GAS2L2: variants seen among roughly 807,000 people sequenced by gnomAD.
GAS2L2 encodes growth arrest specific 2 like 2.
In GAS2L2, 21 loss-of-function variants were observed where a neutral mutation model predicts 35.2. The observed-to-expected ratio is 0.60, with a 90% CI of 0.42 to 0.86. The LOEUF (loss-of-function observed/expected upper bound fraction) is 0.86, where lower values mean the gene tolerates loss of function less well. Among genes scored for constraint, GAS2L2 ranks in the 40% least tolerant of loss-of-function variants. The probability of loss-of-function intolerance (pLI) is 0.00; values close to 1 mark genes in which losing one functional copy is unlikely to be tolerated. For missense variants in GAS2L2, 1,169 were observed against 1,144.4 expected (o/e 1.02, Z -0.31); for synonymous variants, 490 against 473.2 (o/e 1.04, Z -0.46).
chr17:35,748,745 T>G (rs892002724), intron 3 of GAS2L2, among the ~76,000 whole-genome samples: 1 of 152,040 alleles, frequency 6.6e-6, no homozygotes, highest in Admixed American at 6.6e-5. Context: ...AATGGAAAAG[T>G]GTGATCACCC....
chr17:35,747,072 G>C lies in GAS2L2; in HGVS notation c.1029C>G (p.Pro343=), dbSNP rs587673600. Residue 343 remains proline, a synonymous_variant, in exon 5 of 6, where the codon CCC becomes CCG. Coordinates refer to ENST00000604641, the MANE Select transcript of GAS2L2 (RefSeq NM_139285.4). ...CCGTCCCTGCTCCCCGTTCCCTGCG[G>C]GGTCTGGGGGAGGATGGGGTGGGGG... ...LRPPTPSSPR[P]RRERGAGTGA... is the part of the protein sequence containing the mutation. 61 of 1,610,442 alleles carry C rather than the reference G, an allele frequency of 3.8e-5. No homozygotes were observed. The South Asian group carries it at 6.6e-4, about 17-fold the overall frequency.
At position 35,745,150 on chromosome 17, in the gene GAS2L2, G is replaced by A. The variant is rs782543839; in HGVS notation, c.2347C>T (p.Arg783Trp). ...KLKLRPRIRPRRDHRPEKQPS... is the reference protein window; with the variant it reads ...KLKLRPRIRPWRDHRPEKQPS... ...TGCTTCTCAGGCCTGTGGTCTCTCC[G>A]GGGCCGAATCCTGGGTCTCAGCTTC... Residue 783 changes from arginine (R) to tryptophan (W), a missense_variant, in exon 6 of 6, where the codon CGG (arginine) becomes TGG (tryptophan). Around this residue, in one of 3 missense-constraint regions of GAS2L2, gnomAD observed 1,035 missense variants for 976.5 expected, o/e 1.06. Coordinates refer to ENST00000604641, the MANE Select transcript of GAS2L2 (RefSeq NM_139285.4). The A allele has an allele frequency of 1.7e-5, 28 of 1,612,878 alleles. No individual in the cohort carries two copies. Among genetic ancestry groups the A allele is most frequent in the Admixed American group, 1.0e-4 (6 of 59,966 alleles).
chr17:35,750,114 C>CT lies in GAS2L2; in HGVS notation c.589dup (p.Arg197LysfsTer34). 6.3e-7 allele frequency: 1 copy of CT among 1,599,550 alleles called. No homozygotes were observed. The highest frequency in any genetic ancestry group is 1.1e-5 in the South Asian group (1 of 90,156). On this transcript the variant is annotated frameshift_variant, in exon 2 of 6. Transcript: ENST00000604641. LOFTEE classifies it high-confidence loss of function. ...GTTGCGGAAGTGGCAGGGCTGGCGCCTGGGGGGCGCTGGCGGCGAGGGGTC... is the reference window on the plus strand; with the variant it reads ...GTTGCGGAAGTGGCAGGGCTGGCGCCTTGGGGGGCGCTGGCGGCGAGGGGTC...
At position 35,746,232 on chromosome 17, in the gene GAS2L2, T is replaced by C. The variant is rs781893994; in HGVS notation, c.1265A>G (p.His422Arg). 6.8e-7 allele frequency: 1 copy of C among 1,477,068 alleles called. No homozygotes were observed. Among genetic ancestry groups the C allele is most frequent in the Non-Finnish European group, 9.0e-7 (1 of 1,112,878 alleles). 91.5% of individuals were successfully genotyped at this position (1,477,068 alleles called of 1,614,324 possible). The change falls in exon 6 of 6, where the codon CAT becomes CGT. Residue 422 changes from histidine (H) to arginine (R), a missense_variant. His to Arg is a conservative substitution (Grantham distance 29). This residue lies in a region of GAS2L2 where 1,035 missense variants were observed against 976.5 expected (regional missense o/e 1.06). Transcript: ENST00000604641. Reference sequence around the variant, plus strand: ...GGTTCCCCAGCTGTCTGTTTCTTCATGAACCCAAGATGTGGGAATCCTTCC... The same window carrying C: ...GGTTCCCCAGCTGTCTGTTTCTTCACGAACCCAAGATGTGGGAATCCTTCC... ...PRGRIPTSWVHEETDSWGTDA... is the reference protein window; with the variant it reads ...PRGRIPTSWVREETDSWGTDA...
At position 35,752,668 on chromosome 17, in the gene GAS2L2, C is replaced by A. The variant is rs1319930070; in HGVS notation, c.183G>T (p.Thr61=). 1 of 1,613,986 alleles carries A rather than the reference C, an allele frequency of 6.2e-7. No homozygotes were observed. Among genetic ancestry groups the A allele is most frequent in the Non-Finnish European group, 8.5e-7 (1 of 1,180,018 alleles). The change falls in exon 1 of 6, where the codon ACG becomes ACT. Residue 61 remains threonine, a synonymous_variant. Transcript: ENST00000604641. ...TGGCGTGTTGGCACAGCACCAGGCC[C>A]GTTTCCAGCACCTGCAGGAAGTTGG... ...DAANFLQVLE[T]GLVLCQHANV... is the part of the protein sequence containing the mutation.
In GAS2L2 at chr17:35,745,504, G is replaced by C. The variant is rs1344989194; in HGVS notation, c.1993C>G (p.Leu665Val). The C allele has an allele frequency of 6.2e-7, 1 of 1,607,884 alleles. No homozygotes were observed. The highest frequency in any genetic ancestry group is 8.5e-7 in the Non-Finnish European group (1 of 1,175,934). Reference protein sequence around the residue: ...IQELAQGSPSLLKVDLEAWKA... With the variant: ...IQELAQGSPSVLKVDLEAWKA... ...CAGGCTTCCAGGTCCACTTTAAGGA[G>C]GGATGGGGACCCCTGAGCCAGTTCT... The change falls in exon 6 of 6, where the codon CTC becomes GTC. Residue 665 changes from leucine to valine, a missense_variant. By Grantham distance (32) the Leu-to-Val change is conservative. Around this residue, in one of 3 missense-constraint regions of GAS2L2, gnomAD observed 1,035 missense variants for 976.5 expected, o/e 1.06. Transcript: ENST00000604641.
chr17:35,749,749 A>G (rs1555599494), intron 2 of GAS2L2, among the ~76,000 whole-genome samples: 1 of 152,236 alleles, frequency 6.6e-6, no homozygotes, highest in East Asian at 1.9e-4. Context: ...GCTGCAAAGC[A>G]GTGGAACTAA....
In GAS2L2 at chr17:35,746,073, C is replaced by G; in HGVS notation, c.1424G>C (p.Arg475Pro). 6.6e-7 allele frequency: 1 copy of G among 1,520,750 alleles called. No homozygotes were observed. Among genetic ancestry groups the G allele is most frequent in the Non-Finnish European group, 8.8e-7 (1 of 1,134,640 alleles). The allele number at this position is 1,520,750 out of a possible 1,614,324, so 94.2% of individuals were successfully genotyped here. The change falls in exon 6 of 6, where the codon CGG becomes CCG. Residue 475 changes from arginine to proline, a missense_variant. Physicochemically the swap from Arg to Pro is moderately radical, Grantham distance 103. Coordinates refer to ENST00000604641, the MANE Select transcript of GAS2L2 (RefSeq NM_139285.4). ...GAAGAACGCACCCTTGGCCTCATCC[C>G]GGAGTGGCAGCCTGAGGCCCAGGCA... ...AECLGLRLPL[R>P]DEAKGAFFQF...
In GAS2L2 at chr17:35,752,605, C is replaced by T. The variant is rs376656473; in HGVS notation, c.246G>A (p.Glu82=). The part of the protein sequence containing the change: ...VTDAALAFLA[E]APAQAQKIPM... ...GAATCTTCTGGGCTTGGGCAGGTGC[C>T]TCAGCCAGGAAGGCCAGGGCAGCGT... Residue 82 remains glutamate, a synonymous_variant, in exon 1 of 6, where the codon GAG becomes GAA. Coordinates refer to ENST00000604641, the MANE Select transcript of GAS2L2 (RefSeq NM_139285.4). 1.2e-6 allele frequency: 2 copies of T among 1,613,734 alleles called. No individual in the cohort carries two copies. Among genetic ancestry groups the T allele is most frequent in the Non-Finnish European group, 1.7e-6 (2 of 1,179,636 alleles).
chr17:35,746,098 A>T lies in GAS2L2; in HGVS notation c.1399T>A (p.Cys467Ser). 7 of 1,515,496 alleles carry T rather than the reference A, an allele frequency of 4.6e-6. No homozygotes were observed. The highest frequency in any genetic ancestry group is 6.2e-6 in the Non-Finnish European group (7 of 1,132,350). 93.9% of individuals were successfully genotyped at this position (1,515,496 alleles called of 1,614,324 possible). ...PLPRSFGPAE[C>S]LGLRLPLRDE... ...CGGAGTGGCAGCCTGAGGCCCAGGC[A>T]CTCGGCTGGGCCAAAGGAACGAGGC... The change falls in exon 6 of 6, where the codon TGC becomes AGC. Residue 467 changes from cysteine (C) to serine (S), a missense_variant. Transcript: ENST00000604641.
chr17:35,748,137 T>C (rs1219281345), intron 3 of GAS2L2, among the ~76,000 whole-genome samples, 192 bp from the exon 4 acceptor site: 1 of 152,122 alleles, frequency 6.6e-6, no homozygotes, highest in Non-Finnish European at 1.5e-5. Flanking sequence ...ACACATGCGG[T>C]CAAGGTGGGA....
At position 35,745,012 on chromosome 17, in the gene GAS2L2, G is replaced by A. The variant is rs56386706; in HGVS notation, c.2485C>T (p.Arg829Trp). 0.051 allele frequency: 82,059 copies of A among 1,613,962 alleles called. 2,446 individuals carry two copies. Among genetic ancestry groups the A allele is most frequent in the Non-Finnish European group, 0.059 (69,403 of 1,179,996 alleles). Residue 829 changes from arginine (R) to tryptophan (W), a missense_variant, in exon 6 of 6, where the codon CGG (arginine) becomes TGG (tryptophan). Coordinates refer to ENST00000604641, the MANE Select transcript of GAS2L2 (RefSeq NM_139285.4). ...VLGSKGGEAS[R>W]VDGASVGEEE... ...TCACCTACTGAAGCTCCATCCACCC[G>A]GGATGCCTCCCCTCCCTTGCTGCCC...
In GAS2L2 at chr17:35,752,546, G is replaced by A; in HGVS notation, c.305C>T (p.Ala102Val). 6.2e-7 allele frequency: 1 copy of A among 1,613,370 alleles called. No individual in the cohort carries two copies. The highest frequency in any genetic ancestry group is 1.3e-5 in the African/African-American group (1 of 75,056). The stretch of plus-strand genomic sequence containing the variant: ...GGCCTGGAAGGTACCTGGCTGGGCG[G>A]CCCCATTGCAGGAGACCCCGACCCG... Reference protein sequence around the residue: ...MPRVGVSCNGAAQPGTFQARD... With the variant: ...MPRVGVSCNGVAQPGTFQARD... The change falls in exon 1 of 6, where the codon GCC becomes GTC. Residue 102 changes from alanine (A) to valine (V), a missense_variant. Transcript: ENST00000604641.
intron 2 of GAS2L2, 107 bp downstream of exon 2, chr17:35,749,970 T>C: frequency 1.0e-6 from 1 of 1,001,694 alleles, no homozygotes; most frequent in Non-Finnish European, 1.4e-6. Flanking sequence ...GGGTGGACAA[T>C]GGAGCTCAAG....
chr17:35,752,525 T>C lies in GAS2L2; in HGVS notation c.326A>G (p.Gln109Arg). The C allele has an allele frequency of 6.2e-7, 1 of 1,611,286 alleles. No individual in the cohort carries two copies. Among genetic ancestry groups the C allele is most frequent in the Non-Finnish European group, 8.5e-7 (1 of 1,177,732 alleles). Residue 109 changes from glutamine (Q) to arginine (R), a missense_variant, in exon 1 of 6, where the codon CAG becomes CGG. Gln to Arg is a conservative substitution (Grantham distance 43). Around this residue, in one of 3 missense-constraint regions of GAS2L2, gnomAD observed 127 missense variants for 146.1 expected, o/e 0.87. Coordinates refer to ENST00000604641, the MANE Select transcript of GAS2L2 (RefSeq NM_139285.4). ...CNGAAQPGTF[Q>R]ARDNVSNFIQ... ...GAAGTTAGAGACATTGTCCCTGGCC[T>C]GGAAGGTACCTGGCTGGGCGGCCCC...
intron 5 of GAS2L2, among the ~76,000 whole-genome samples, chr17:35,746,662 C>T (rs1214228536): frequency 6.6e-6 from 1 of 152,156 alleles, no homozygotes; most frequent in Non-Finnish European, 1.5e-5. Flanking sequence ...CTGATCCTGG[C>T]CTGAGGTGAC....
chr17:35,747,376 A>C, intron 4 of GAS2L2, 108 bp from the exon 5 acceptor site: 1 of 1,291,814 alleles, frequency 7.7e-7, no homozygotes, highest in Non-Finnish European at 1.1e-6. Flanking sequence ...CCACATTAAA[A>C]ACAGTGGGAC....
chr17:35,751,848 C>CT (rs587677612), intron 1 of GAS2L2, among the ~76,000 whole-genome samples: 1,076 of 99,992 alleles, frequency 0.011, 139 homozygotes, highest in African/African-American at 0.024. Flanking sequence ...CTCTCTCTCT[C>CT]TTTTTTTTTT....
rs782702949 is a variant in GAS2L2 at position 35,747,230 on chromosome 17, G to T, written c.871C>A (p.Pro291Thr). The change falls in exon 5 of 6, where the codon CCA (proline) becomes ACA (threonine). Residue 291 changes from proline to threonine, a missense_variant. Coordinates refer to ENST00000604641, the MANE Select transcript of GAS2L2 (RefSeq NM_139285.4). ...TGTACCCTTACTTCATGCTGCACTGGTGGGGCCGGGGGCTTCAGGAAGCTG... is the reference window on the plus strand; with the variant it reads ...TGTACCCTTACTTCATGCTGCACTGTTGGGGCCGGGGGCTTCAGGAAGCTG... ...PGSFLKPPAP[P>T]VQHEVRVQDG... 6.2e-7 allele frequency: 1 copy of T among 1,613,560 alleles called. No homozygotes were observed. Among genetic ancestry groups the T allele is most frequent in the South Asian group, 1.1e-5 (1 of 91,046 alleles).
Sources: gnomAD v4.1 joint callset for allele counts (sites outside exome capture counted in the v4.1 genomes callset) on GRCh38, gnomAD v4.1.1 for gene constraint, gnomAD v4.1.1 regional missense constraint, MANE v1.5 for transcripts, NCBI Gene and HGNC (gene_info 2026-07-23, HGNC 2026-07-21) for gene names.